The following NAGK variants were observed in gnomAD, a reference collection of about 807,000 sequenced individuals.
NAGK encodes N-acetylglucosamine kinase, also known as N-acetyl-D-glucosamine kinase.
In NAGK, 35 loss-of-function variants were observed where a neutral mutation model predicts 42.9. The ratio of observed to expected loss-of-function variants is 0.82; its 90% CI spans 0.62 to 1.08. The LOEUF is 1.08. Among genes scored for constraint, NAGK ranks in the 50% least tolerant of loss-of-function variants. NAGK has a pLI of 0.00. For missense variants in NAGK, 446 were observed against 446.0 expected, an observed-to-expected ratio of 1.00 and a Z score of 0.00; for synonymous variants, 172 against 176.0, an observed-to-expected ratio of 0.98 and a Z score of 0.18.
At chr2:71,071,605 C>A (rs1201899093) in intron 3 of NAGK, 81 bp from the exon 4 acceptor site, 2 of 1,495,038 alleles carry the variant, frequency 1.3e-6, no homozygotes, top group African/African-American at 1.4e-5. Context: ...GAACAGGAAT[C>A]AGGCATCAGG....
chr2:71,069,051 A>C (rs1299131942), intron 1 of NAGK: 1 of 1,071,644 alleles, frequency 9.3e-7, no homozygotes, highest in Non-Finnish European at 1.1e-6. Context: ...GTTTTGCAGA[A>C]CAGGTGTCAG....
chr2:71,071,969 C>G (rs982945265), intron 4 of NAGK, 142 bp downstream of exon 4: 13 of 1,194,314 alleles, frequency 1.1e-5, no homozygotes, highest in Middle Eastern at 4.6e-4. Context: ...TAGTTTAAGT[C>G]TCTGCCAGAG....
chr2:71,071,105 G>T, intron 3 of NAGK: 1 of 462,916 alleles, frequency 2.2e-6, no homozygotes, highest in Non-Finnish European at 4.0e-6. Context: ...GCGTAACCCT[G>T]TGTAGGTTAC....
intron 1 of NAGK, chr2:71,070,033 A>G (rs948003795): frequency 4.8e-5 from 8 of 166,884 alleles, no homozygotes; most frequent in South Asian, 2.7e-4. Context: ...TTTGCTGAGC[A>G]TTGCCTGTGC....
rs771896257 is a variant in NAGK, at chr2:71,078,409, T to C, written c.936T>C (p.Ala312=). 2.5e-6 allele frequency: 4 copies of C among 1,613,972 alleles called. No individual in the cohort carries two copies. The Admixed American group carries it at 5.0e-5, about 20-fold the overall frequency. Residue 312 remains alanine, a synonymous_variant, in exon 10 of 10, where the codon GCT becomes GCC. Transcript: ENST00000244204. ...TGATGAAGCTGAGGCACTCCTCCGC[T>C]CTGGGTGGGGCCAGCCTAGGGGCCA... ...FTLMKLRHSS[A]LGGASLGARH...
chr2:71,071,393 C>T, intron 3 of NAGK: 1 of 404,888 alleles, frequency 2.5e-6, no homozygotes, highest in Middle Eastern at 6.5e-4. Context: ...TCTCCATCTC[C>T]CCTCACCTTG....
At position 71,078,398 on chromosome 2, in the gene NAGK, C is replaced by T. The variant is rs1306264674; in HGVS notation, c.925C>T (p.His309Tyr). 2 of 1,614,150 alleles carry T rather than the reference C, an allele frequency of 1.2e-6. No homozygotes were observed. Among genetic ancestry groups the T allele is most frequent in the South Asian group, 1.1e-5 (1 of 91,082 alleles). ...FSSFTLMKLR[H>Y]SSALGGASLG... is the part of the protein sequence containing the mutation. ...CAGCTTCACCCTGATGAAGCTGAGG[C>T]ACTCCTCCGCTCTGGGTGGGGCCAG... Residue 309 changes from histidine to tyrosine, a missense_variant, in exon 10 of 10, where the codon CAC (histidine) becomes TAC (tyrosine). His to Tyr is a moderately conservative substitution (Grantham distance 83, BLOSUM62 2). Coordinates refer to ENST00000244204, the MANE Select transcript of NAGK (RefSeq NM_017567.6).
In NAGK at chr2:71,068,688, C is replaced by A. The variant is rs1269446831; in HGVS notation, c.5C>A (p.Ala2Asp). 19 of 1,518,910 alleles carry A rather than the reference C, an allele frequency of 1.3e-5. No homozygotes were observed. Among genetic ancestry groups the A allele is most frequent in the Non-Finnish European group, 1.6e-5 (18 of 1,133,542 alleles). The allele number at this position is 1,518,910 out of a possible 1,614,324, so 94.1% of individuals were successfully genotyped here. A position where few individuals can be genotyped will look rare whatever the true frequency, so the allele number is the denominator to read the frequency against. M[A>D]AIYGGVEGGG... is the part of the protein sequence containing the mutation. ...AGCAGCGACGGTAGCAGCAGCATGG[C>A]CGCGATCTATGGGGGTGTAGAGGGG... Residue 2 changes from alanine (A) to aspartate (D), a missense_variant, in exon 1 of 10, where the codon GCC becomes GAC. Transcript: ENST00000244204.
chr2:71,074,512 A>C (rs1470740093), intron 6 of NAGK: 1 of 152,268 alleles, frequency 6.6e-6, no homozygotes, highest in Non-Finnish European at 1.5e-5. Flanking sequence ...TCCTTTAGTC[A>C]TTCTTACAGG....
rs142602615 is a variant in NAGK at position 71,070,250 on chromosome 2, C to T, written c.30-252C>T. The T allele has an allele frequency of 6.5e-3, 2,567 of 394,200 alleles. 15 individuals are homozygous for T. Among genetic ancestry groups the T allele is most frequent in the South Asian group, 9.0e-3 (381 of 42,434 alleles). The allele number at this position is 394,200 out of a possible 1,614,324, so 24.4% of individuals were successfully genotyped here. ...GTGGGCCACACCTCAGAAAAGGTTT[C>T]GAGGACTAGGTGAAGCGTAAGTAGA... On this transcript the variant is annotated intron_variant, in intron 1 of 9. Coordinates refer to ENST00000244204, the MANE Select transcript of NAGK (RefSeq NM_017567.6).
chr2:71,071,547 G>A, intron 3 of NAGK, 139 bp from the exon 4 acceptor site: 1 of 1,201,340 alleles, frequency 8.3e-7, no homozygotes. Flanking sequence ...ATTGTGTGGG[G>A]AGAAAGGAGG....
intron 9 of NAGK, 57 bp from the exon 10 acceptor site, chr2:71,078,261 G>T: frequency 1.3e-6 from 2 of 1,549,694 alleles, no homozygotes; most frequent in Non-Finnish European, 8.9e-7. Flanking sequence ...TTCCTTCCTG[G>T]CCCCAGTACA....
chr2:71,070,966 CTG>C (rs1352169896), intron 3 of NAGK, 127 bp downstream of exon 3: 3 of 923,234 alleles, frequency 3.2e-6, no homozygotes, highest in Admixed American at 2.1e-5. Flanking sequence ...GGTGTCAAAA[CTG>C]TCATAATCTC....
rs187723897 is a variant in NAGK, at chr2:71,077,485, C to A, written c.766-73C>A. 148 of 1,453,360 alleles carry A rather than the reference C, an allele frequency of 1.0e-4. No individual in the cohort carries two copies. In the African/African-American group the frequency reaches 1.6e-3, roughly 16 times the overall value. 90.0% of individuals were successfully genotyped at this position (1,453,360 alleles called of 1,614,324 possible). A position where few individuals can be genotyped will look rare whatever the true frequency, so the allele number is the denominator to read the frequency against. On this transcript the variant is annotated intron_variant, in intron 8 of 9. Transcript: ENST00000244204. ...AGTAACTGGGATAGAGTGGGTTGGT[C>A]ATAGGAAACTCCCGCCTTCAGCACT...
upstream of NAGK, chr2:71,068,578 G>T: frequency 1.3e-6 from 2 of 1,520,102 alleles, no homozygotes; most frequent in Non-Finnish European, 1.8e-6. Flanking sequence ...AGCTGGCTGC[G>T]CGGGAGGTCA....
In NAGK at chr2:71,070,541, TGG is replaced by T; in HGVS notation, c.71_72del (p.Gly24GlufsTer27). ...CCGAGGTCCTTTTAGTCTCAGAGGA[TGG>T]GAAGATCCTGGCAGAAGCAGATGGA... ...RSEVLLVSED[G>X]KILAEADGLS... On this transcript the variant is annotated frameshift_variant, in exon 2 of 10. Transcript: ENST00000244204. LOFTEE classifies it high-confidence loss of function. 1 of 1,614,034 alleles carries T rather than the reference TGG, an allele frequency of 6.2e-7. No individual in the cohort carries two copies. Among genetic ancestry groups the T allele is most frequent in the Non-Finnish European group, 8.5e-7 (1 of 1,179,956 alleles).
At chr2:71,068,972 C>T in intron 1 of NAGK, 7 of 1,249,206 alleles carry the variant, frequency 5.6e-6, no homozygotes, top group Non-Finnish European at 7.0e-6. Flanking sequence ...CTTTCTTCCA[C>T]GAAACACCCA....
In NAGK at chr2:71,079,047, CT is replaced by C. The variant is rs1302602585; in HGVS notation, c.*542del. On this transcript the variant is annotated 3_prime_UTR_variant, in exon 10 of 10. Coordinates refer to ENST00000244204, the MANE Select transcript of NAGK (RefSeq NM_017567.6). ...GAGTACAATTCTAGACTGGGAGCAT[CT>C]TTACCTCACTGGATTTAGTAACTGC... is the stretch of plus-strand genomic sequence containing the variant. 6.6e-6 allele frequency: 1 copy of C among 152,562 alleles called. No individual in the cohort carries two copies. The highest frequency in any genetic ancestry group is 1.9e-4 in the East Asian group (1 of 5,206). 9.5% of individuals were successfully genotyped at this position (152,562 alleles called of 1,614,324 possible).
At chr2:71,070,636 C>G (rs781437025) in intron 2 of NAGK, 50 bp downstream of exon 2, 4 of 1,605,796 alleles carry the variant, frequency 2.5e-6, no homozygotes, top group Non-Finnish European at 3.4e-6. Flanking sequence ...ATTTTATTCT[C>G]TGTAATTCCT....
Sources: gnomAD v4.1 joint callset for allele counts on GRCh38, gnomAD v4.1.1 for gene constraint, MANE v1.5 for transcripts, NCBI Gene and HGNC (gene_info 2026-07-23, HGNC 2026-07-21) for gene names.